The following SPATA31D1 variants were observed in gnomAD, a reference collection of about 807,000 sequenced individuals.
SPATA31D1 encodes spermatogenesis-associated protein 31D1.
SPATA31D1 carries 6 observed loss-of-function variants against 13.2 expected under a neutral mutation model. That is an observed-to-expected ratio of 0.46 (90% CI 0.25 to 0.90). The LOEUF is 0.90. SPATA31D1 is among the 40% of genes least tolerant of loss of function. The pLI, the probability that SPATA31D1 is intolerant of heterozygous loss-of-function variation, is 0.18. For synonymous variants in SPATA31D1, 903 were observed against 718.8 expected, an observed-to-expected ratio of 1.26 and a Z score of -4.10; for missense variants, 2,445 against 1,884.7, an observed-to-expected ratio of 1.30 and a Z score of -5.50.
At position 81,994,326 on chromosome 9, in the gene SPATA31D1, A is replaced by C; in HGVS notation, c.3856A>C (p.Asn1286His). The C allele has an allele frequency of 6.2e-7, 1 of 1,613,960 alleles. No individual in the cohort carries two copies. The highest frequency in any genetic ancestry group is 8.5e-7 in the Non-Finnish European group (1 of 1,179,868). ...TCVLQKCQVTNFPPAVNRVSP... is the reference protein window; with the variant it reads ...TCVLQKCQVTHFPPAVNRVSP... Reference sequence around the variant, plus strand: ...TGTCTTACAGAAGTGTCAAGTTACGAATTTCCCACCAGCTGTAAACAGAGT... The same window carrying C: ...TGTCTTACAGAAGTGTCAAGTTACGCATTTCCCACCAGCTGTAAACAGAGT... The change falls in exon 4 of 4, where the codon AAT becomes CAT. Residue 1286 changes from asparagine to histidine, a missense_variant. Physicochemically the swap from Asn to His is moderately conservative, Grantham distance 68. Transcript: ENST00000344803.
In SPATA31D1 at chr9:81,991,416, T is replaced by A. The variant is rs1208333966; in HGVS notation, c.946T>A (p.Ser316Thr). The change falls in exon 4 of 4, where the codon TCA (serine) becomes ACA (threonine). Residue 316 changes from serine to threonine, a missense_variant. Ser to Thr is a moderately conservative substitution (Grantham distance 58, BLOSUM62 1). Transcript: ENST00000344803. ...AGATTGCACTGTGACTCAGTCTAAA[T>A]CAAGTCTCACCATCTTGAAGACTTT... is the stretch of plus-strand genomic sequence containing the variant. ...PEDCTVTQSK[S>T]SLTILKTFPE... 1 of 1,613,936 alleles carries A rather than the reference T, an allele frequency of 6.2e-7. No homozygotes were observed. Among genetic ancestry groups the A allele is most frequent in the Non-Finnish European group, 8.5e-7 (1 of 1,179,916 alleles).
At position 81,990,928 on chromosome 9, in the gene SPATA31D1, C is replaced by T. The variant is rs376863938; in HGVS notation, c.458C>T (p.Ala153Val). The change falls in exon 4 of 4, where the codon GCT (alanine) becomes GTT (valine). Residue 153 changes from alanine (A) to valine (V), a missense_variant. Transcript: ENST00000344803. ...TCTTGGGAGTCCCTGAAAGATGCTG[C>T]TCCCTCTGTGTCCCCTTTGGCTTCT... ...LLSWESLKDA[A>V]PSVSPLASSA... 92 of 1,613,838 alleles carry T rather than the reference C, an allele frequency of 5.7e-5. No individual in the cohort carries two copies. The African/African-American group carries it at 1.1e-3, about 18-fold the overall frequency.
At chr9:81,988,408 G>A (rs561742092), upstream of SPATA31D1, among the ~76,000 whole-genome samples, 9 of 152,338 alleles carry the variant, frequency 5.9e-5, no homozygotes, top group African/African-American at 1.9e-4. Context: ...ATGTGATCCT[G>A]AGAGTGGCAA....
At chr9:81,989,693 A>G in intron 1 of SPATA31D1, 85 bp from the exon 2 acceptor site, 1 of 1,334,072 alleles carries the variant, frequency 7.5e-7, no homozygotes. Flanking sequence ...ATAATGAATG[A>G]ATGAATGAAT....
At chr9:81,988,622 A>G (rs570659917), upstream of SPATA31D1, 163 of 699,458 alleles carry the variant, frequency 2.3e-4, no homozygotes, top group African/African-American at 2.8e-3. Flanking sequence ...AAGGTAGGGC[A>G]GAGGGACCTA....
Position 81,990,885 on chromosome 9 carries a change from G to C in SPATA31D1, c.415G>C (p.Asp139His). ...VCRVCKRATA[D>H]IQQLLSWESL... ...TCGGGTGTGTAAGAGAGCAACTGCT[G>C]ATATCCAGCAACTGCTGTCTTGGGA... Residue 139 changes from aspartate to histidine, a missense_variant, in exon 4 of 4, where the codon GAT becomes CAT. Physicochemically the swap from Asp to His is moderately conservative, Grantham distance 81 (BLOSUM62 -1). Coordinates refer to ENST00000344803, the MANE Select transcript of SPATA31D1 (RefSeq NM_001001670.3). The C allele has an allele frequency of 1.2e-6, 2 of 1,613,940 alleles. No individual in the cohort carries two copies. The highest frequency in any genetic ancestry group is 1.7e-6 in the Non-Finnish European group (2 of 1,179,880).
At chr9:81,990,302 C>A in intron 2 of SPATA31D1, 115 bp from the exon 3 acceptor site, 1 of 718,532 alleles carries the variant, frequency 1.4e-6, no homozygotes, top group South Asian at 2.2e-5. Flanking sequence ...GACTATTTTC[C>A]CTTTTCTACT....
chr9:81,994,153 C>T lies in SPATA31D1; in HGVS notation c.3683C>T (p.Ala1228Val), dbSNP rs566877969. 3.7e-6 allele frequency: 6 copies of T among 1,613,956 alleles called. No individual in the cohort carries two copies. The Admixed American group carries it at 6.7e-5, about 18-fold the overall frequency. Residue 1228 changes from alanine to valine, a missense_variant, in exon 4 of 4, where the codon GCC (alanine) becomes GTC (valine). Transcript: ENST00000344803. ...PQSHFTDMSF[A>V]LDNLSSKDLL... The stretch of plus-strand genomic sequence containing the variant: ...AGCCATTTCACTGACATGTCTTTTG[C>T]CTTAGATAACTTGAGTTCCAAGGAC...
Position 81,990,957 on chromosome 9 carries a change from G to C in SPATA31D1, c.487G>C (p.Ala163Pro). ...APSVSPLASS[A>P]SATESSFTLA... ...CTCTGTGTCCCCTTTGGCTTCTTCG[G>C]CTTCTGCGACTGAGTCATCGTTCAC... Residue 163 changes from alanine (A) to proline (P), a missense_variant, in exon 4 of 4, where the codon GCT becomes CCT. Physicochemically the swap from Ala to Pro is conservative, Grantham distance 27. Coordinates refer to ENST00000344803, the MANE Select transcript of SPATA31D1 (RefSeq NM_001001670.3). 1.2e-6 allele frequency: 2 copies of C among 1,613,850 alleles called. No individual in the cohort carries two copies. The highest frequency in any genetic ancestry group is 1.7e-6 in the Non-Finnish European group (2 of 1,179,832).
upstream of SPATA31D1, chr9:81,988,762 G>T (rs1439307508): frequency 2.5e-6 from 4 of 1,611,184 alleles, no homozygotes; most frequent in Non-Finnish European, 3.4e-6. Context: ...TGTGCTTATA[G>T]TTAAGCCTGG....
Position 81,990,879 on chromosome 9 carries a change from A to G in SPATA31D1, c.409A>G (p.Thr137Ala), listed in dbSNP as rs1824940131. The G allele has an allele frequency of 6.2e-7, 1 of 1,613,876 alleles. No homozygotes were observed. The highest frequency in any genetic ancestry group is 8.5e-7 in the Non-Finnish European group (1 of 1,179,876). The change falls in exon 4 of 4, where the codon ACT (threonine) becomes GCT (alanine). Residue 137 changes from threonine to alanine, a missense_variant. Thr to Ala is a moderately conservative substitution (Grantham distance 58, BLOSUM62 0). Transcript: ENST00000344803. The part of the protein sequence containing the change: ...DPVCRVCKRA[T>A]ADIQQLLSWE... ...CGTCTGTCGGGTGTGTAAGAGAGCAACTGCTGATATCCAGCAACTGCTGTC... is the reference window on the plus strand; with the variant it reads ...CGTCTGTCGGGTGTGTAAGAGAGCAGCTGCTGATATCCAGCAACTGCTGTC...
At chr9:81,990,691 T>C in intron 3 of SPATA31D1, 82 bp from the exon 4 acceptor site, 1 of 1,507,882 alleles carries the variant, frequency 6.6e-7, no homozygotes, top group Non-Finnish European at 8.9e-7. Flanking sequence ...TTGGGGGCAA[T>C]GTGATATGGG....
chr9:81,993,033 C>T lies in SPATA31D1; in HGVS notation c.2563C>T (p.His855Tyr). 1 of 1,613,774 alleles carries T rather than the reference C, an allele frequency of 6.2e-7. No homozygotes were observed. Among genetic ancestry groups the T allele is most frequent in the Non-Finnish European group, 8.5e-7 (1 of 1,179,724 alleles). Residue 855 changes from histidine (H) to tyrosine (Y), a missense_variant, in exon 4 of 4, where the codon CAC becomes TAC. Coordinates refer to ENST00000344803, the MANE Select transcript of SPATA31D1 (RefSeq NM_001001670.3). ...GCCTGGGACTGTGCATAGTTCATGG[C>T]ACTCAGTCAAGCAGACAATGTCTCT... ...RMPGTVHSSWHSVKQTMSLPE... is the reference protein window; with the variant it reads ...RMPGTVHSSWYSVKQTMSLPE...
Position 81,989,008 on chromosome 9 carries a change from A to C in SPATA31D1, c.186+4A>C. 1 of 1,611,556 alleles carries C rather than the reference A, an allele frequency of 6.2e-7. No homozygotes were observed. The highest frequency in any genetic ancestry group is 8.5e-7 in the Non-Finnish European group (1 of 1,179,564). On this transcript the variant is annotated splice_donor_region_variant and intron_variant, in intron 1 of 3. Transcript: ENST00000344803. ...AAAAAATAATGACATCCAAAAGGTAAGGAACTGTGGGTGAACACCCAAGAG... is the reference window on the plus strand; with the variant it reads ...AAAAAATAATGACATCCAAAAGGTACGGAACTGTGGGTGAACACCCAAGAG...
Position 81,991,304 on chromosome 9 carries a change from A to G in SPATA31D1, c.834A>G (p.Leu278=), listed in dbSNP as rs765068419. Residue 278 remains leucine (L), a synonymous_variant, in exon 4 of 4, where the codon CTA becomes CTG. Coordinates refer to ENST00000344803, the MANE Select transcript of SPATA31D1 (RefSeq NM_001001670.3). ...LNTIFSFGST[L]CQDISQAMNP... ...CCATCTTTTCATTTGGCTCCACCCT[A>G]TGCCAAGATATTTCGCAGGCCATGA... The G allele has an allele frequency of 2.5e-6, 4 of 1,614,018 alleles. No homozygotes were observed. In the East Asian group the frequency reaches 8.9e-5, roughly 36 times the overall value.
rs932254437 is a variant in SPATA31D1, at chr9:81,989,814, A to T, written c.223A>T (p.Thr75Ser). ...AGCCAAGAGGAGAAGGAAAGGTGGG[A>T]CATTCAAAGGTAATGTCAGCCTGCT... ...GRAKRRRKGG[T>S]FKGFPDWKSF... The change falls in exon 2 of 4, where the codon ACA becomes TCA. Residue 75 changes from threonine (T) to serine (S), a missense_variant. Physicochemically the swap from Thr to Ser is moderately conservative, Grantham distance 58. Transcript: ENST00000344803. 6.2e-7 allele frequency: 1 copy of T among 1,613,530 alleles called. No individual in the cohort carries two copies.
rs373489116 is a variant in SPATA31D1 at position 81,992,163 on chromosome 9, C to G, written c.1693C>G (p.Gln565Glu). ...TAGTACCCAACCACTACCCTTGCCT[C>G]AAACCCTGCCCCAAGGTCAGTCCCC... ...LPSTQPLPLP[Q>E]TLPQGQSPHL... Residue 565 changes from glutamine to glutamate, a missense_variant, in exon 4 of 4, where the codon CAA (glutamine) becomes GAA (glutamate). Transcript: ENST00000344803. 1.9e-6 allele frequency: 3 copies of G among 1,613,682 alleles called. No homozygotes were observed. In the African/African-American group the frequency reaches 4.0e-5, roughly 22 times the overall value.
Position 81,990,894 on chromosome 9 carries a change from C to G in SPATA31D1, c.424C>G (p.Gln142Glu). 6 of 1,613,978 alleles carry G rather than the reference C, an allele frequency of 3.7e-6. No individual in the cohort carries two copies. The highest frequency in any genetic ancestry group is 4.2e-6 in the Non-Finnish European group (5 of 1,179,900). ...VCKRATADIQ[Q>E]LLSWESLKDA... ...TAAGAGAGCAACTGCTGATATCCAG[C>G]AACTGCTGTCTTGGGAGTCCCTGAA... Residue 142 changes from glutamine to glutamate, a missense_variant, in exon 4 of 4, where the codon CAA (glutamine) becomes GAA (glutamate). Coordinates refer to ENST00000344803, the MANE Select transcript of SPATA31D1 (RefSeq NM_001001670.3).
In SPATA31D1 at chr9:81,993,949, A is replaced by C. The variant is rs201502400; in HGVS notation, c.3479A>C (p.Asn1160Thr). Residue 1160 changes from asparagine (N) to threonine (T), a missense_variant, in exon 4 of 4, where the codon AAC (asparagine) becomes ACC (threonine). Transcript: ENST00000344803. ...TNALQSQTRNNLTTSKSGSCS... is the reference protein window; with the variant it reads ...TNALQSQTRNTLTTSKSGSCS... ...GCTCTTCAATCACAAACTAGGAACA[A>C]CTTGACAACCAGCAAGTCAGGAAGC... 238 of 1,613,932 alleles carry C rather than the reference A, an allele frequency of 1.5e-4. 1 individual carries two copies. Among genetic ancestry groups the C allele is most frequent in the Non-Finnish European group, 1.7e-4 (200 of 1,179,806 alleles).
Sources: gnomAD v4.1 joint callset for allele counts (sites outside exome capture counted in the v4.1 genomes callset) on GRCh38, gnomAD v4.1.1 for gene constraint, MANE v1.5 for transcripts, NCBI Gene and HGNC (gene_info 2026-07-23, HGNC 2026-07-21) for gene names.